RALGPS2: variants seen among roughly 807,000 people sequenced by gnomAD.
RALGPS2 encodes Ral GEF with PH domain and SH3 binding motif 2.
In RALGPS2, 43 loss-of-function variants were observed where a neutral mutation model predicts 86.8. That is an observed-to-expected ratio of 0.50 (90% CI 0.39 to 0.64). The LOEUF is 0.64. Ranked by LOEUF, RALGPS2 falls within the 30% of genes least tolerant of loss-of-function variation. The probability of loss-of-function intolerance (pLI) is 0.00; values close to 1 mark genes in which losing one functional copy is unlikely to be tolerated. For synonymous variants in RALGPS2, 243 were observed against 231.3 expected (o/e 1.05, Z -0.46); for missense variants, 536 against 694.6 (o/e 0.77, Z 2.57).
At chr1:178,755,868 A>G (rs1023110055) in intron 1 of RALGPS2, among the ~76,000 whole-genome samples, 4 of 152,152 alleles carry the variant, frequency 2.6e-5, no homozygotes, top group Middle Eastern at 3.2e-3. Context: ...TGACTTTTTA[A>G]TAATACCCAT....
chr1:178,913,605 C>T (rs1399500557), intron 19 of RALGPS2, among the ~76,000 whole-genome samples: 3 of 152,306 alleles, frequency 2.0e-5, no homozygotes, highest in African/African-American at 7.2e-5. Flanking sequence ...TCTGTGAGGG[C>T]TGATATTCCT....
chr1:178,767,671 G>C (rs114379153), intron 1 of RALGPS2, among the ~76,000 whole-genome samples: 5,503 of 152,292 alleles, frequency 0.036, 123 homozygotes, highest in Middle Eastern at 0.058. Context: ...GCTGGAAGCT[G>C]TTGCAGATAT....
intron 1 of RALGPS2, among the ~76,000 whole-genome samples, chr1:178,756,082 G>A (rs1651944250): frequency 6.6e-6 from 1 of 152,090 alleles, no homozygotes; most frequent in African/African-American, 2.4e-5. Context: ...TTTGTCAGAT[G>A]CATAGTTGGT....
intron 8 of RALGPS2, among the ~76,000 whole-genome samples, chr1:178,857,545 A>G (rs1359687049): frequency 6.6e-6 from 1 of 152,160 alleles, no homozygotes; most frequent in Non-Finnish European, 1.5e-5. Flanking sequence ...ACTAGCTGAG[A>G]TATCTGAGGA....
Position 178,812,907 on chromosome 1 carries a change from T to C in RALGPS2, c.387+1503T>C, listed in dbSNP as rs189698153. ...TCAAAATATTTTTAGAAATTCTTTG[T>C]GATGATATGTTAGGTAAATACTTTT... On this transcript the variant is annotated intron_variant, in intron 6 of 19. Transcript: ENST00000367635. Among the ~76,000 whole-genome samples the C allele has an allele frequency of 1.2e-3, 177 of 151,474 alleles. 2 individuals carry two copies. The highest frequency in any genetic ancestry group is 4.0e-3 in the African/African-American group (163 of 41,256).
At chr1:178,746,500 A>G (rs770374258) in intron 1 of RALGPS2, among the ~76,000 whole-genome samples, 4 of 152,180 alleles carry the variant, frequency 2.6e-5, no homozygotes, top group Admixed American at 2.6e-4. Context: ...AGGTTCTGCA[A>G]GGTCTTAGCT....
At chr1:178,745,249 G>A (rs530013312) in intron 1 of RALGPS2, among the ~76,000 whole-genome samples, 3 of 151,978 alleles carry the variant, frequency 2.0e-5, no homozygotes, top group Admixed American at 6.5e-5. Flanking sequence ...TGGCGGTGGG[G>A]TGGGGGAATA....
chr1:178,830,533 G>GA (rs1258349800), intron 7 of RALGPS2, among the ~76,000 whole-genome samples: 5 of 152,246 alleles, frequency 3.3e-5, no homozygotes, highest in Admixed American at 6.5e-5. Flanking sequence ...CAGTTTGGGG[G>GA]AAAAAATGAA....
intron 8 of RALGPS2, among the ~76,000 whole-genome samples, chr1:178,847,710 A>T (rs1479726610): frequency 2.0e-5 from 3 of 152,246 alleles, no homozygotes; most frequent in Non-Finnish European, 4.4e-5. Flanking sequence ...TGGAAGGTTT[A>T]TTCTGCTGCT....
Position 178,839,564 on chromosome 1 carries a change from A to G in RALGPS2, c.607+6014A>G, listed in dbSNP as rs148186553. Among the ~76,000 whole-genome samples the G allele has an allele frequency of 2.8e-3, 422 of 152,250 alleles. 7 individuals are homozygous for G. Among genetic ancestry groups the G allele is most frequent in the African/African-American group, 9.8e-3 (408 of 41,478 alleles). ...TACCAGCCACTGCAAAAACATGCCA[A>G]ATTGTAGAGACCATTGATGCTAGGA... On this transcript the variant is annotated intron_variant, in intron 8 of 19. Transcript: ENST00000367635.
At chr1:178,868,554 C>T (rs1658558555) in intron 8 of RALGPS2, among the ~76,000 whole-genome samples, 1 of 151,844 alleles carries the variant, frequency 6.6e-6, no homozygotes, top group African/African-American at 2.4e-5. Flanking sequence ...TGTATTAATA[C>T]CAGACACAGA....
intron 10 of RALGPS2, among the ~76,000 whole-genome samples, chr1:178,883,056 G>T: frequency 6.6e-6 from 1 of 152,068 alleles, no homozygotes; most frequent in Admixed American, 6.6e-5. Flanking sequence ...CCATGGTTTG[G>T]CAACTTTGGG....
intron 1 of RALGPS2, among the ~76,000 whole-genome samples, chr1:178,762,819 T>C (rs1254468064): frequency 1.3e-5 from 2 of 152,260 alleles, no homozygotes; most frequent in Non-Finnish European, 2.9e-5. Context: ...TCTGATAGTT[T>C]CTTTTGCTGT....
intron 8 of RALGPS2, among the ~76,000 whole-genome samples, chr1:178,836,777 T>C (rs987546660): frequency 1.3e-5 from 2 of 151,998 alleles, no homozygotes; most frequent in African/African-American, 4.8e-5. Flanking sequence ...TCTTTCTTTC[T>C]TTTTTTTATT....
At chr1:178,798,401 G>A (rs529431960) in intron 4 of RALGPS2, among the ~76,000 whole-genome samples, 11 of 152,230 alleles carry the variant, frequency 7.2e-5, no homozygotes, top group East Asian at 3.9e-4. Flanking sequence ...GTGTTATGAC[G>A]TTAAAATGTG....
At chr1:178,759,172 A>G (rs984088154) in intron 1 of RALGPS2, among the ~76,000 whole-genome samples, 1 of 152,076 alleles carries the variant, frequency 6.6e-6, no homozygotes, top group African/African-American at 2.4e-5. Flanking sequence ...GGGTTTTCCA[A>G]GTGTTTTCTT....
At chr1:178,775,004 G>A (rs1653005093) in intron 1 of RALGPS2, among the ~76,000 whole-genome samples, 2 of 152,104 alleles carry the variant, frequency 1.3e-5, no homozygotes, top group South Asian at 4.1e-4. Flanking sequence ...GCTTCCCAAA[G>A]GTGTATTTCT....
At chr1:178,833,242 A>G (rs1283471819) in intron 7 of RALGPS2, among the ~76,000 whole-genome samples, 182 bp from the exon 8 acceptor site, 2 of 152,108 alleles carry the variant, frequency 1.3e-5, no homozygotes, top group East Asian at 3.8e-4. Context: ...ATAAATAATG[A>G]ATTTGGATTA....
At chr1:178,728,763 C>T (rs906543057) in intron 1 of RALGPS2, among the ~76,000 whole-genome samples, 4 of 151,904 alleles carry the variant, frequency 2.6e-5, no homozygotes, top group Non-Finnish European at 4.4e-5. Flanking sequence ...ATTTTAGTAA[C>T]GTGGAATTAA....
Sources: allele counts gnomAD v4.1 joint callset (sites outside exome capture counted in the v4.1 genomes callset), GRCh38; gene constraint gnomAD v4.1.1; transcripts MANE v1.5; gene names NCBI Gene and HGNC (gene_info 2026-07-23, HGNC 2026-07-21).